Variants in CXXC4 observed in about 807,000 individuals in gnomAD.
CXXC4 encodes CXXC-type zinc finger protein 4.
A neutral mutation model predicts 20.5 loss-of-function variants in CXXC4; 5 were observed. That is an observed-to-expected ratio of 0.24 (90% CI 0.13 to 0.51). The LOEUF (loss-of-function observed/expected upper bound fraction) is 0.51. Ranked by LOEUF, CXXC4 falls within the 20% of genes least tolerant of loss-of-function variation. The pLI, the probability that CXXC4 is intolerant of heterozygous loss-of-function variation, is 0.97. For synonymous variants in CXXC4, 250 were observed against 216.4 expected (o/e 1.16, Z -1.36); for missense variants, 419 against 496.4 (o/e 0.84, Z 1.48).
chr4:104,488,066 AAAG>A (rs1490806336), intron 2 of CXXC4, among the ~76,000 whole-genome samples: 1 of 152,214 alleles, frequency 6.6e-6, no homozygotes, highest in African/African-American at 2.4e-5. Flanking sequence ...TTGAAGTGAT[AAAG>A]AAGAATATAT....
intron 2 of CXXC4, among the ~76,000 whole-genome samples, chr4:104,474,137 A>G (rs1736347440): frequency 6.6e-6 from 1 of 152,014 alleles, no homozygotes; most frequent in Admixed American, 6.6e-5. Context: ...GCATATAGGT[A>G]TACAGAACAA....
At chr4:104,478,326 A>G (rs1441324834) in intron 2 of CXXC4, among the ~76,000 whole-genome samples, 1 of 152,114 alleles carries the variant, frequency 6.6e-6, no homozygotes, top group African/African-American at 2.4e-5. Flanking sequence ...GACTTTATAC[A>G]TTATGTTGTA....
chr4:104,491,097 A>C lies in CXXC4; in HGVS notation c.706T>G (p.Phe236Val). The C allele has an allele frequency of 6.2e-7, 1 of 1,614,026 alleles. No individual in the cohort carries two copies. Among genetic ancestry groups the C allele is most frequent in the East Asian group, 2.2e-5 (1 of 44,822 alleles). The change falls in exon 2 of 3, where the codon TTT becomes GTT. Residue 236 changes from phenylalanine (F) to valine (V), a missense_variant. Physicochemically the swap from Phe to Val is conservative, Grantham distance 50. Transcript: ENST00000394767. ...IMNLPERVGT[F>V]SAIPALGGIS... Reference sequence around the variant, plus strand: ...CCCCCTAAAGCCGGGATAGCGGAAAAAGTCCCCACGCGCTCGGGGAGATTC... The same window carrying C: ...CCCCCTAAAGCCGGGATAGCGGAAACAGTCCCCACGCGCTCGGGGAGATTC...
At position 104,490,922 on chromosome 4, in the gene CXXC4, C is replaced by A. The variant is rs750108778; in HGVS notation, c.881G>T (p.Gly294Val). The change falls in exon 2 of 3, where the codon GGA (glycine) becomes GTA (valine). Residue 294 changes from glycine (G) to valine (V), a missense_variant. By Grantham distance (109) the Gly-to-Val change is moderately radical. Coordinates refer to ENST00000394767, the MANE Select transcript of CXXC4 (RefSeq NM_025212.4). ...CTTGGCTGGGTTGGCTCCGCCAGCT[C>A]CCCCTGAGGAGGACGAGGAGGAGGA... ...HSSSSSSSSG[G>V]AGGANPAKKK... is the part of the protein sequence containing the mutation. The A allele has an allele frequency of 3.7e-6, 6 of 1,613,980 alleles. No individual in the cohort carries two copies. In the South Asian group the frequency reaches 6.6e-5, roughly 18 times the overall value.
At chr4:104,480,787 T>C (rs1736537488) in intron 2 of CXXC4, among the ~76,000 whole-genome samples, 2 of 152,016 alleles carry the variant, frequency 1.3e-5, no homozygotes, top group South Asian at 4.1e-4. Context: ...TGATTTCCCT[T>C]AAACAGTAGC....
chr4:104,486,902 C>T (rs1736712261), intron 2 of CXXC4, among the ~76,000 whole-genome samples: 1 of 152,064 alleles, frequency 6.6e-6, no homozygotes, highest in Non-Finnish European at 1.5e-5. Flanking sequence ...TTTACAATTG[C>T]CATTTATGGT....
intron 2 of CXXC4, among the ~76,000 whole-genome samples, chr4:104,485,732 C>T (rs754561629): frequency 6.6e-6 from 1 of 152,096 alleles, no homozygotes. Context: ...AAACAATGTT[C>T]CAACTGGAGC....
At position 104,491,443 on chromosome 4, in the gene CXXC4, GCCGCCGCCACCCCCC is replaced by G. The variant is rs1419909716; in HGVS notation, c.345_359del (p.Gly130_Gly134del). The G allele has an allele frequency of 6.1e-6, 6 of 989,830 alleles. No homozygotes were observed. Among genetic ancestry groups the G allele is most frequent in the Non-Finnish European group, 7.5e-6 (6 of 800,220 alleles). 61.3% of individuals were successfully genotyped at this position (989,830 alleles called of 1,614,324 possible). Reference sequence around the variant, plus strand: ...CGCCCCCGCCTCCGCCGCCGCCGCCGCCGCCGCCACCCCCCCCGCCGCCGCCCCCGCCCCCGCCGC... The same window carrying G: ...CGCCCCCGCCTCCGCCGCCGCCGCCGCCGCCGCCGCCCCCGCCCCCGCCGC... On this transcript the variant is annotated inframe_deletion, in exon 2 of 3. Transcript: ENST00000394767.
In CXXC4 at chr4:104,468,682, G is replaced by A. The variant is rs1736183981; in HGVS notation, c.*3640C>T. 2 of 143,214 alleles carry A rather than the reference G, an allele frequency of 1.4e-5. No individual in the cohort carries two copies. Among genetic ancestry groups the A allele is most frequent in the Non-Finnish European group, 3.0e-5 (2 of 67,632 alleles). The allele number at this position is 143,214 out of a possible 1,614,324, so 8.9% of individuals were successfully genotyped here. ...ATTCACTAGGAATACAGATCTCAGT[G>A]TGAAATGCCAAATTTAATAAAAAAA... On this transcript the variant is annotated 3_prime_UTR_variant, in exon 3 of 3. Coordinates refer to ENST00000394767, the MANE Select transcript of CXXC4 (RefSeq NM_025212.4).
At chr4:104,478,891 ATTATT>A (rs1460803708) in intron 2 of CXXC4, among the ~76,000 whole-genome samples, 1 of 152,028 alleles carries the variant, frequency 6.6e-6, no homozygotes, top group African/African-American at 2.4e-5. Flanking sequence ...AATGATTGAA[ATTATT>A]TTATTTATAT....
intron 2 of CXXC4, among the ~76,000 whole-genome samples, chr4:104,486,464 T>C (rs1736697534): frequency 6.6e-6 from 1 of 152,096 alleles, no homozygotes; most frequent in Non-Finnish European, 1.5e-5. Context: ...TGTTTTTTCC[T>C]ACATTATTTA....
In CXXC4 at chr4:104,491,143, G is replaced by T. The variant is rs760660152; in HGVS notation, c.660C>A (p.Gly220=). ...GATTCATTATCTCTGCTTCAGCAGC[G>T]CCGCATTTGAGCTTGTTCATGCATT... ...AGECMNKLKC[G]AAEAEIMNLP... The change falls in exon 2 of 3, where the codon GGC becomes GGA. Residue 220 remains glycine (G), a synonymous_variant. Coordinates refer to ENST00000394767, the MANE Select transcript of CXXC4 (RefSeq NM_025212.4). 2 of 1,614,074 alleles carry T rather than the reference G, an allele frequency of 1.2e-6. No individual in the cohort carries two copies. The highest frequency in any genetic ancestry group is 8.5e-7 in the Non-Finnish European group (1 of 1,180,020).
chr4:104,479,869 C>T (rs1360408354), intron 2 of CXXC4, among the ~76,000 whole-genome samples: 1 of 147,800 alleles, frequency 6.8e-6, no homozygotes, highest in Non-Finnish European at 1.5e-5. Context: ...TGCCATCATA[C>T]GGAATGCTCA....
rs746705638 is a variant in CXXC4 at position 104,491,153 on chromosome 4, A to T, written c.650T>A (p.Leu217His). 1.9e-6 allele frequency: 3 copies of T among 1,613,878 alleles called. No homozygotes were observed. The highest frequency in any genetic ancestry group is 2.5e-6 in the Non-Finnish European group (3 of 1,179,962). ...RPLAGECMNKLKCGAAEAEIM... is the reference protein window; with the variant it reads ...RPLAGECMNKHKCGAAEAEIM... Reference sequence around the variant, plus strand: ...CTCTGCTTCAGCAGCGCCGCATTTGAGCTTGTTCATGCATTCCCCCGCCAA... The same window carrying T: ...CTCTGCTTCAGCAGCGCCGCATTTGTGCTTGTTCATGCATTCCCCCGCCAA... The change falls in exon 2 of 3, where the codon CTC becomes CAC. Residue 217 changes from leucine to histidine, a missense_variant. Physicochemically the swap from Leu to His is moderately conservative, Grantham distance 99. Around this residue, in one of 3 missense-constraint regions of CXXC4, gnomAD observed 388 missense variants for 416.0 expected, o/e 0.93. Coordinates refer to ENST00000394767, the MANE Select transcript of CXXC4 (RefSeq NM_025212.4).
Position 104,491,774 on chromosome 4 carries a change from C to G in CXXC4, c.29G>C (p.Gly10Ala). The G allele has an allele frequency of 6.5e-7, 1 of 1,527,718 alleles. No individual in the cohort carries two copies. Among genetic ancestry groups the G allele is most frequent in the Non-Finnish European group, 8.8e-7 (1 of 1,136,142 alleles). The allele number at this position is 1,527,718 out of a possible 1,614,324, so 94.6% of individuals were successfully genotyped here. A position where few individuals can be genotyped will look rare whatever the true frequency, so the allele number is the denominator to read the frequency against. ...CAAGCCCGGGGCCTCCGGGCTCGGC[C>G]CGGGCTCCACGCAGACATTGGTGTT... is the stretch of plus-strand genomic sequence containing the variant. MNTNVCVEP[G>A]PSPEAPGLPK... The change falls in exon 2 of 3, where the codon GGG (glycine) becomes GCG (alanine). Residue 10 changes from glycine to alanine, a missense_variant. Gly to Ala is a moderately conservative substitution (Grantham distance 60). Transcript: ENST00000394767.
intron 2 of CXXC4, among the ~76,000 whole-genome samples, chr4:104,488,614 C>A (rs1010541223): frequency 8.5e-5 from 13 of 152,154 alleles, no homozygotes; most frequent in Admixed American, 7.2e-4. Flanking sequence ...TCTACCCATA[C>A]CCCACCTTGT....
At chr4:104,475,344 GCA>G (rs2110270672) in intron 2 of CXXC4, 1 of 151,988 alleles carries the variant, frequency 6.6e-6, no homozygotes, top group East Asian at 1.9e-4. Context: ...AATAATCAAG[GCA>G]CACACCAGAA....
chr4:104,482,966 T>C lies in CXXC4; in HGVS notation c.1059+7778A>G, dbSNP rs564213847. On this transcript the variant is annotated intron_variant, in intron 2 of 2. Coordinates refer to ENST00000394767, the MANE Select transcript of CXXC4 (RefSeq NM_025212.4). ...CCGTCTTTCCCATAGTCTGACACTTTACTTTCTCAAGAATGTTTTCTAAAA... is the reference window on the plus strand; with the variant it reads ...CCGTCTTTCCCATAGTCTGACACTTCACTTTCTCAAGAATGTTTTCTAAAA... Among the ~76,000 whole-genome samples, 3 of 152,186 alleles carry C rather than the reference T, an allele frequency of 2.0e-5. No individual in the cohort carries two copies. The South Asian group carries it at 6.2e-4, about 32-fold the overall frequency.
At chr4:104,479,806 C>T (rs998654321) in intron 2 of CXXC4, among the ~76,000 whole-genome samples, 8 of 144,836 alleles carry the variant, frequency 5.5e-5, no homozygotes, top group African/African-American at 1.8e-4. Context: ...TCCGTCCTTC[C>T]GTCCTTCCTT....
Sources: gnomAD v4.1 joint callset for allele counts (sites outside exome capture counted in the v4.1 genomes callset) on GRCh38, gnomAD v4.1.1 for gene constraint, gnomAD v4.1.1 regional missense constraint, MANE v1.5 for transcripts, NCBI Gene and HGNC (gene_info 2026-07-23, HGNC 2026-07-21) for gene names.